The following TMEM117 variants were observed in gnomAD, a reference collection of about 807,000 sequenced individuals.
TMEM117 encodes transmembrane protein 117.
Under a neutral mutation model 52.4 loss-of-function variants are expected in TMEM117, and 27 were observed. The ratio of observed to expected loss-of-function variants is 0.51; its 90% CI spans 0.38 to 0.71. The LOEUF (loss-of-function observed/expected upper bound fraction) is 0.71, where lower values mean the gene tolerates loss of function less well. Among genes scored for constraint, TMEM117 ranks in the 30% least tolerant of loss-of-function variants. The pLI is 0.00. For missense variants in TMEM117, 556 were observed against 630.5 expected (o/e 0.88, Z 1.26); for synonymous variants, 215 against 206.3 (o/e 1.04, Z -0.36).
intron 7 of TMEM117, among the ~76,000 whole-genome samples, chr12:44,386,278 G>C (rs572160774): frequency 2.6e-4 from 39 of 152,198 alleles, no homozygotes; most frequent in African/African-American, 7.9e-4. Flanking sequence ...TGTTATGGTT[G>C]ATCTTTAATA....
At chr12:44,129,402 T>A (rs192478258) in intron 3 of TMEM117, among the ~76,000 whole-genome samples, 9 of 152,266 alleles carry the variant, frequency 5.9e-5, no homozygotes, top group African/African-American at 1.2e-4. Flanking sequence ...CCTCTTTTCC[T>A]CCCTGGTGAT....
chr12:43,819,155 T>C, the TMEM117 span, among the ~76,000 whole-genome samples: 1 of 152,190 alleles, frequency 6.6e-6, no homozygotes, highest in African/African-American at 2.4e-5. Context: ...GAACCAGTTG[T>C]TTGATTGTAG....
intron 3 of TMEM117, among the ~76,000 whole-genome samples, chr12:43,978,125 A>G (rs564941607): frequency 6.6e-6 from 1 of 152,280 alleles, no homozygotes; most frequent in South Asian, 2.1e-4. Context: ...AAGTTCCTCC[A>G]GTTTTGGTGG....
intron 3 of TMEM117, among the ~76,000 whole-genome samples, chr12:44,076,150 G>T (rs1947378780): frequency 6.6e-6 from 1 of 152,118 alleles, no homozygotes; most frequent in African/African-American, 2.4e-5. Context: ...GTGAGAAATT[G>T]CCTTCATTCT....
intron 5 of TMEM117, among the ~76,000 whole-genome samples, chr12:44,291,279 G>C (rs904262376): frequency 6.6e-5 from 10 of 150,578 alleles, no homozygotes; most frequent in Admixed American, 6.6e-4. Context: ...ATTCTTTTTA[G>C]ATGGTTTATT....
intron 6 of TMEM117, among the ~76,000 whole-genome samples, chr12:44,332,817 C>T (rs908233882): frequency 1.1e-4 from 16 of 151,524 alleles, no homozygotes; most frequent in African/African-American, 3.9e-4. Context: ...TGAATATCAG[C>T]ATTTCCCAGC....
Position 44,388,988 on chromosome 12 carries a change from A to T in TMEM117, c.*316A>T, listed in dbSNP as rs1185210012. ...TGTTCAACCATAGTGGTGCCTTGAG[A>T]CATTAAACTGTTTTTAACTGTACCA... is the stretch of plus-strand genomic sequence containing the variant. On this transcript the variant is annotated 3_prime_UTR_variant, in exon 8 of 8. Transcript: ENST00000266534. 1.4e-5 allele frequency: 4 copies of T among 277,950 alleles called. No homozygotes were observed. The highest frequency in any genetic ancestry group is 2.7e-5 in the Non-Finnish European group (4 of 145,860). The allele number at this position is 277,950 out of a possible 1,614,324, so 17.2% of individuals were successfully genotyped here.
chr12:44,090,459 C>T (rs1171221220), intron 3 of TMEM117, among the ~76,000 whole-genome samples: 1 of 149,014 alleles, frequency 6.7e-6, no homozygotes, highest in Admixed American at 6.7e-5. Flanking sequence ...TATTTTGAGA[C>T]TGAGTCTCAC....
At chr12:43,857,138 C>G (rs562896508) in intron 2 of TMEM117, among the ~76,000 whole-genome samples, 1 of 152,284 alleles carries the variant, frequency 6.6e-6, no homozygotes, top group East Asian at 1.9e-4. Flanking sequence ...TCCATTAGCG[C>G]TAAAGGGCAA....
intron 4 of TMEM117, among the ~76,000 whole-genome samples, chr12:44,208,730 T>G (rs1484549837): frequency 6.1e-5 from 9 of 147,844 alleles, no homozygotes; most frequent in Non-Finnish European, 1.2e-4. Flanking sequence ...AGAATGTTTT[T>G]TTTTTTTTTT....
At chr12:43,856,845 G>T (rs1943408725) in intron 2 of TMEM117, among the ~76,000 whole-genome samples, 1 of 151,934 alleles carries the variant, frequency 6.6e-6, no homozygotes, top group Non-Finnish European at 1.5e-5. Context: ...TCCTTAAAAA[G>T]ACATGAGATA....
At chr12:43,964,657 C>T (rs550276074) in intron 3 of TMEM117, among the ~76,000 whole-genome samples, 6 of 152,214 alleles carry the variant, frequency 3.9e-5, no homozygotes, top group South Asian at 2.1e-4. Flanking sequence ...AATAATTGAA[C>T]AGAGGAGAAA....
intron 2 of TMEM117, among the ~76,000 whole-genome samples, chr12:43,857,099 C>T (rs1592310864): frequency 6.6e-6 from 1 of 152,182 alleles, no homozygotes; most frequent in African/African-American, 2.4e-5. Flanking sequence ...TAGGTGCCTT[C>T]ATTAGTTTGC....
At chr12:44,190,697 T>C (rs1949339900) in intron 4 of TMEM117, among the ~76,000 whole-genome samples, 1 of 151,970 alleles carries the variant, frequency 6.6e-6, no homozygotes, top group Admixed American at 6.6e-5. Flanking sequence ...TGCCCAGCCC[T>C]CATCCAGTTT....
intron 3 of TMEM117, among the ~76,000 whole-genome samples, chr12:44,080,334 A>G (rs1021121100): frequency 3.5e-4 from 54 of 152,238 alleles, no homozygotes; most frequent in African/African-American, 1.3e-3. Flanking sequence ...AGTGCCAAGC[A>G]AGTGGGGGAA....
At chr12:44,143,220 G>T (rs532505899) in intron 3 of TMEM117, among the ~76,000 whole-genome samples, 1 of 152,212 alleles carries the variant, frequency 6.6e-6, no homozygotes, top group African/African-American at 2.4e-5. Flanking sequence ...GAGTGAGCAT[G>T]CAATAATACC....
intron 3 of TMEM117, among the ~76,000 whole-genome samples, chr12:44,058,153 T>G (rs1003277839): frequency 2.0e-5 from 3 of 152,164 alleles, no homozygotes; most frequent in African/African-American, 7.2e-5. Context: ...ATTTTTTTTT[T>G]TCTGGGACAA....
chr12:44,005,070 G>C (rs1195423983), intron 3 of TMEM117, among the ~76,000 whole-genome samples: 1 of 152,148 alleles, frequency 6.6e-6, no homozygotes, highest in Non-Finnish European at 1.5e-5. Flanking sequence ...CATCTACTGT[G>C]GCCAGTCATT....
At chr12:44,295,725 A>G (rs1161465265) in intron 5 of TMEM117, among the ~76,000 whole-genome samples, 1 of 148,566 alleles carries the variant, frequency 6.7e-6, no homozygotes, top group Non-Finnish European at 1.5e-5. Flanking sequence ...AATTTTGTCC[A>G]TGCATTGTTT....
Sources: gnomAD v4.1 joint callset for allele counts (sites outside exome capture counted in the v4.1 genomes callset) on GRCh38, gnomAD v4.1.1 for gene constraint, MANE v1.5 for transcripts, NCBI Gene and HGNC (gene_info 2026-07-23, HGNC 2026-07-21) for gene names.